TMEM220: variants seen among roughly 807,000 people sequenced by gnomAD.
TMEM220 encodes the protein transmembrane protein 220.
Under a neutral mutation model 21.7 loss-of-function variants are expected in TMEM220, and 21 were observed. The observed-to-expected ratio is 0.97, with a 90% CI of 0.69 to 1.39. The LOEUF (loss-of-function observed/expected upper bound fraction) is 1.39, where lower values mean the gene tolerates loss of function less well. Ranked by LOEUF, TMEM220 falls within the 40% of genes most tolerant of loss-of-function variation. TMEM220 has a pLI of 0.00. For synonymous variants in TMEM220, 80 were observed against 73.6 expected, an observed-to-expected ratio of 1.09 and a Z score of -0.45; for missense variants, 191 against 201.9, an observed-to-expected ratio of 0.95 and a Z score of 0.33.
chr17:10,729,970 G>A lies in TMEM220; in HGVS notation c.-119C>T. 2.4e-6 allele frequency: 3 copies of A among 1,226,630 alleles called. No individual in the cohort carries two copies. The highest frequency in any genetic ancestry group is 3.0e-6 in the Non-Finnish European group (3 of 985,320). The allele number at this position is 1,226,630 out of a possible 1,614,324, so 76.0% of individuals were successfully genotyped here. A position where few individuals can be genotyped will look rare whatever the true frequency, so the allele number is the denominator to read the frequency against. ...GACCGAGACCCCCGCCTCGGTTTCG[G>A]TGCCTTGGGGACACTGCCGTGGCCG... is the stretch of plus-strand genomic sequence containing the variant. On this transcript the variant is annotated 5_prime_UTR_variant, in exon 1 of 6. Transcript: ENST00000341871.
At position 10,729,897 on chromosome 17, in the gene TMEM220, G is replaced by T; in HGVS notation, c.-46C>A. On this transcript the variant is annotated 5_prime_UTR_variant, in exon 1 of 6. Transcript: ENST00000341871. ...GGGCGGTGAGTCCTGCCACGTGCGG[G>T]GCGGTGAGTCCTGCCACGTACGGTC... 7.8e-7 allele frequency: 1 copy of T among 1,280,856 alleles called. No individual in the cohort carries two copies. The highest frequency in any genetic ancestry group is 2.4e-5 in the South Asian group (1 of 41,284). The allele number at this position is 1,280,856 out of a possible 1,614,324, so 79.3% of individuals were successfully genotyped here.
intron 5 of TMEM220, among the ~76,000 whole-genome samples, chr17:10,722,531 C>T (rs1597529547): frequency 6.6e-6 from 1 of 152,256 alleles, no homozygotes; most frequent in East Asian, 1.9e-4. Flanking sequence ...CTTGACTTAT[C>T]AAAGTTTAAT....
chr17:10,723,291 A>C lies in TMEM220; in HGVS notation c.326T>G (p.Ile109Ser). ...SGLVIITAWI[I>S]LCHSSSKNPV... ...TTACTTTGAGGAACTGTGGCACAGG[A>C]TAATCCATGCTGTAATAATCACCAG... The change falls in exon 5 of 6, where the codon ATC becomes AGC. Residue 109 changes from isoleucine (I) to serine (S), a missense_variant. Coordinates refer to ENST00000341871, the MANE Select transcript of TMEM220 (RefSeq NM_001004313.3). 1.9e-6 allele frequency: 3 copies of C among 1,614,146 alleles called. No individual in the cohort carries two copies. The highest frequency in any genetic ancestry group is 2.5e-6 in the Non-Finnish European group (3 of 1,180,016).
At position 10,723,126 on chromosome 17, in the gene TMEM220, G is replaced by A. The variant is rs111477061; in HGVS notation, c.347+144C>T. 1.4e-4 allele frequency: 91 copies of A among 663,414 alleles called. 1 individual carries two copies. Among genetic ancestry groups the A allele is most frequent in the Admixed American group, 4.1e-4 (19 of 46,824 alleles). The allele number at this position is 663,414 out of a possible 1,614,324, so 41.1% of individuals were successfully genotyped here. ...CTCCCAAGTAGCTGGGACTACAGGCGCGTGCCACCACACAGGGCTAATTTT... is the reference window on the plus strand; with the variant it reads ...CTCCCAAGTAGCTGGGACTACAGGCACGTGCCACCACACAGGGCTAATTTT... On this transcript the variant is annotated intron_variant, in intron 5 of 5. Transcript: ENST00000341871.
intron 4 of TMEM220, 29 bp downstream of exon 4, chr17:10,724,982 C>A: frequency 6.2e-7 from 1 of 1,613,810 alleles, no homozygotes; most frequent in Non-Finnish European, 8.5e-7. Context: ...ACAGTTCTAT[C>A]CCTCCACAGG....
chr17:10,715,952 CAT>C (rs377465979), intron 5 of TMEM220: 585 of 360,142 alleles, frequency 1.6e-3, no homozygotes, highest in African/African-American at 0.011. Context: ...AATTTTATCA[CAT>C]ATTTATTAAA....
At chr17:10,713,099 C>A (rs440494), downstream of TMEM220, among the ~76,000 whole-genome samples, 1 of 151,426 alleles carries the variant, frequency 6.6e-6, no homozygotes, top group African/African-American at 2.4e-5. Flanking sequence ...GGTGAAACCC[C>A]GTCTCTACTA....
At chr17:10,717,821 A>AT (rs377213491) in intron 5 of TMEM220, among the ~76,000 whole-genome samples, 561 of 147,142 alleles carry the variant, frequency 3.8e-3, no homozygotes, top group African/African-American at 0.013. Context: ...TATGAACTCG[A>AT]TTTTTTTTTT....
Position 10,713,335 on chromosome 17 carries a change from T to C in TMEM220, c.*2118A>G, listed in dbSNP as rs1001929930. On this transcript the variant is annotated 3_prime_UTR_variant, in exon 6 of 6. Transcript: ENST00000341871. ...ATTTAATAATAATACTTAAATTCAATTTCATTAATACTCTTCAAAAGACTA... is the reference window on the plus strand; with the variant it reads ...ATTTAATAATAATACTTAAATTCAACTTCATTAATACTCTTCAAAAGACTA... The C allele has an allele frequency of 7.9e-5, 12 of 151,776 alleles. No individual in the cohort carries two copies. Among genetic ancestry groups the C allele is most frequent in the African/African-American group, 2.7e-4 (11 of 41,352 alleles). The allele number at this position is 151,776 out of a possible 1,614,324, so 9.4% of individuals were successfully genotyped here. A position where few individuals can be genotyped will look rare whatever the true frequency, so the allele number is the denominator to read the frequency against.
intron 3 of TMEM220, among the ~76,000 whole-genome samples, chr17:10,725,769 A>G (rs1169845431): frequency 3.9e-5 from 6 of 152,132 alleles, no homozygotes; most frequent in African/African-American, 1.4e-4. Flanking sequence ...AGCACATTTG[A>G]GTTATTTTCT....
chr17:10,719,755 A>G (rs927690759), intron 5 of TMEM220, among the ~76,000 whole-genome samples: 4 of 152,188 alleles, frequency 2.6e-5, no homozygotes, highest in African/African-American at 9.7e-5. Flanking sequence ...ACAACAACAA[A>G]AGACTTTTTC....
chr17:10,723,127 C>G, intron 5 of TMEM220, 143 bp downstream of exon 5: 2 of 672,748 alleles, frequency 3.0e-6, no homozygotes. Context: ...ACTACAGGCG[C>G]GTGCCACCAC....
chr17:10,720,533 T>C (rs2074975116), intron 5 of TMEM220, among the ~76,000 whole-genome samples: 1 of 152,180 alleles, frequency 6.6e-6, no homozygotes, highest in East Asian at 1.9e-4. Flanking sequence ...CTGAAAAAAT[T>C]TTCCCCCATA....
chr17:10,719,346 G>A lies in TMEM220; in HGVS notation c.348-3758C>T, dbSNP rs186264835. 9.9e-5 allele frequency among the ~76,000 whole-genome samples: 15 copies of A among 152,048 alleles called. No homozygotes were observed. In the East Asian group the frequency reaches 1.7e-3, roughly 18 times the overall value. On this transcript the variant is annotated intron_variant, in intron 5 of 5. Coordinates refer to ENST00000341871, the MANE Select transcript of TMEM220 (RefSeq NM_001004313.3). ...GGCTGGAGTGCAGTGGCGCGATCTC[G>A]GCTCACTGCAACCTCCACCTCCCGG... is the stretch of plus-strand genomic sequence containing the variant.
At chr17:10,715,920 A>T (rs1282735802) in intron 5 of TMEM220, 1 of 359,604 alleles carries the variant, frequency 2.8e-6, no homozygotes, top group Non-Finnish European at 5.1e-6. Flanking sequence ...TATTCTCTAG[A>T]AGTTTTGTTT....
rs1234033965 is a variant in TMEM220, at chr17:10,726,264, C to T, written c.103G>A (p.Val35Met). Residue 35 changes from valine (V) to methionine (M), a missense_variant and splice_region_variant, in exon 3 of 6, where the codon GTG becomes ATG. Physicochemically the swap from Val to Met is conservative, Grantham distance 21. Transcript: ENST00000341871. ...VNDPDAEVWV[V>M]VYTIPAVLTL... is the part of the protein sequence containing the mutation. ...AGTACTGCAGGGATTGTGTACACCA[C>T]CTGTTAGCAAAAAGGGAGGAAATTA... 7 of 1,613,466 alleles carry T rather than the reference C, an allele frequency of 4.3e-6. No homozygotes were observed. In the Admixed American group the frequency reaches 6.7e-5, roughly 15 times the overall value.
intron 2 of TMEM220, among the ~76,000 whole-genome samples, chr17:10,728,365 G>A (rs2075076202): frequency 7.0e-6 from 1 of 143,062 alleles, no homozygotes; most frequent in Admixed American, 7.3e-5. Flanking sequence ...CTGGAGTGCA[G>A]TGGCACGATC....
At position 10,723,412 on chromosome 17, in the gene TMEM220, T is replaced by C. The variant is rs562576798; in HGVS notation, c.288-83A>G. The stretch of plus-strand genomic sequence containing the variant: ...TCACATTCTCTCCATGACCACCTGA[T>C]AGCGCATTCTGATTGAGTGACTGAC... On this transcript the variant is annotated intron_variant, in intron 4 of 5. Transcript: ENST00000341871. 1.7e-4 allele frequency: 167 copies of C among 971,530 alleles called. 1 individual carries two copies. The African/African-American group carries it at 1.9e-3, about 11-fold the overall frequency. The allele number at this position is 971,530 out of a possible 1,614,324, so 60.2% of individuals were successfully genotyped here.
At chr17:10,717,151 T>C (rs1245455837) in intron 5 of TMEM220, among the ~76,000 whole-genome samples, 1 of 152,218 alleles carries the variant, frequency 6.6e-6, no homozygotes, top group East Asian at 1.9e-4. Flanking sequence ...GTCCAATCAT[T>C]GGGCATTTTA....
Sources: allele counts gnomAD v4.1 joint callset (sites outside exome capture counted in the v4.1 genomes callset), GRCh38; gene constraint gnomAD v4.1.1; transcripts MANE v1.5; gene names NCBI Gene and HGNC (gene_info 2026-07-23, HGNC 2026-07-21).